Variants in TMEM132C observed in about 807,000 individuals in gnomAD.
TMEM132C encodes the protein protein phosphatase 1, regulatory subunit 152.
TMEM132C carries 29 observed loss-of-function variants against 61.4 expected under a neutral mutation model. That is an observed-to-expected ratio of 0.47 (90% CI 0.35 to 0.64). TMEM132C has a LOEUF of 0.64. Ranked by LOEUF, TMEM132C falls within the 30% of genes least tolerant of loss-of-function variation. The pLI is 0.00. For synonymous variants in TMEM132C, 656 were observed against 633.1 expected (o/e 1.04, Z -0.54); for missense variants, 1,408 against 1,476.9 (o/e 0.95, Z 0.76).
chr12:128,416,595 G>A (rs2136023279), intron 2 of TMEM132C, among the ~76,000 whole-genome samples: 1 of 152,232 alleles, frequency 6.6e-6, no homozygotes, highest in Admixed American at 6.5e-5. Context: ...TAGAATGATA[G>A]CCTATCATAG....
intron 3 of TMEM132C, among the ~76,000 whole-genome samples, chr12:128,588,611 A>G (rs2135564670): frequency 6.6e-6 from 1 of 152,212 alleles, no homozygotes; most frequent in Middle Eastern, 3.4e-3. Context: ...CACAAAATTC[A>G]TATATTAAAA....
At chr12:128,544,745 G>A (rs11059761) in intron 3 of TMEM132C, among the ~76,000 whole-genome samples, 85,784 of 152,048 alleles carry the variant, frequency 0.56, 24,779 homozygotes, top group Middle Eastern at 0.65. Flanking sequence ...TAAGGCTAAT[G>A]TATGCTAAAT....
chr12:128,653,552 G>GGGCTCCATCCCT (rs1413327832), intron 4 of TMEM132C, among the ~76,000 whole-genome samples: 1 of 152,154 alleles, frequency 6.6e-6, no homozygotes, highest in Admixed American at 6.5e-5. Flanking sequence ...CCATCGGCCT[G>GGGCTCCATCCCT]GGCTCCATCC....
chr12:128,648,151 T>C (rs1407634078), intron 4 of TMEM132C, among the ~76,000 whole-genome samples: 2 of 151,770 alleles, frequency 1.3e-5, no homozygotes, highest in African/African-American at 4.9e-5. Flanking sequence ...TGAGTGTGTT[T>C]ACCAGATGCC....
intron 4 of TMEM132C, among the ~76,000 whole-genome samples, chr12:128,624,717 A>C (rs1298463938): frequency 1.3e-5 from 2 of 152,192 alleles, no homozygotes; most frequent in Non-Finnish European, 2.9e-5. Flanking sequence ...ATTTATTAAT[A>C]AGAATAAAAG....
At chr12:128,544,209 G>A in intron 3 of TMEM132C, 106 bp downstream of exon 3, 2 of 1,391,546 alleles carry the variant, frequency 1.4e-6, no homozygotes, top group Non-Finnish European at 1.9e-6. Context: ...CTGCTCAGAG[G>A]AGCTATTGAA....
intron 2 of TMEM132C, among the ~76,000 whole-genome samples, chr12:128,476,302 A>G (rs1365783756): frequency 6.6e-6 from 1 of 152,254 alleles, no homozygotes; most frequent in African/African-American, 2.4e-5. Context: ...ACCTGAGGAG[A>G]CGGTTGCAGC....
At chr12:128,295,495 G>GA (rs1380691223) in intron 1 of TMEM132C, among the ~76,000 whole-genome samples, 2 of 151,778 alleles carry the variant, frequency 1.3e-5, no homozygotes, top group Non-Finnish European at 2.9e-5. Flanking sequence ...AATAAATAAT[G>GA]ACCGCCTTGA....
intron 1 of TMEM132C, among the ~76,000 whole-genome samples, chr12:128,297,609 GA>G (rs1391945475): frequency 6.6e-6 from 1 of 152,124 alleles, no homozygotes; most frequent in Non-Finnish European, 1.5e-5. Flanking sequence ...CTTGAACTGA[GA>G]AGGTCTGACT....
intron 2 of TMEM132C, among the ~76,000 whole-genome samples, chr12:128,447,705 CTTTTTT>C (rs767506039): frequency 5.1e-5 from 3 of 58,616 alleles, no homozygotes; most frequent in African/African-American, 8.4e-5. Context: ...ATTTCAAGTG[CTTTTTT>C]TTTTTTTTTT....
chr12:128,485,877 C>T (rs548416339), intron 2 of TMEM132C, among the ~76,000 whole-genome samples: 17 of 152,318 alleles, frequency 1.1e-4, no homozygotes, highest in South Asian at 6.2e-4. Flanking sequence ...CCTTCTTCCT[C>T]CTCCTCCTCT....
At chr12:128,470,280 C>A (rs1870904086) in intron 2 of TMEM132C, among the ~76,000 whole-genome samples, 1 of 152,148 alleles carries the variant, frequency 6.6e-6, no homozygotes, top group Non-Finnish European at 1.5e-5. Flanking sequence ...TGGACGATTT[C>A]CAACCAGTGA....
chr12:128,587,949 A>G (rs1196107055), intron 3 of TMEM132C, among the ~76,000 whole-genome samples: 1 of 152,236 alleles, frequency 6.6e-6, no homozygotes, highest in Non-Finnish European at 1.5e-5. Flanking sequence ...GCTTAAGGAT[A>G]ATAGTAATAA....
In TMEM132C at chr12:128,705,182, C is replaced by T; in HGVS notation, c.2214C>T (p.Thr738=). Residue 738 remains threonine, a synonymous_variant, in exon 9 of 9, where the codon ACC becomes ACT. Transcript: ENST00000435159. ...YDTKDFSLAA[T]SQDEAVVSVP... Reference sequence around the variant, plus strand: ...CCAAGGACTTCTCCCTGGCAGCCACCTCCCAGGACGAGGCTGTCGTGTCAG... The same window carrying T: ...CCAAGGACTTCTCCCTGGCAGCCACTTCCCAGGACGAGGCTGTCGTGTCAG... The T allele has an allele frequency of 6.4e-7, 1 of 1,551,742 alleles. No homozygotes were observed. The highest frequency in any genetic ancestry group is 8.7e-7 in the Non-Finnish European group (1 of 1,147,004).
intron 5 of TMEM132C, among the ~76,000 whole-genome samples, chr12:128,671,531 C>A (rs1403127827): frequency 3.9e-5 from 6 of 152,146 alleles, no homozygotes; most frequent in South Asian, 4.1e-4. Context: ...TGACAGATAG[C>A]AACCAGCCTT....
intron 3 of TMEM132C, among the ~76,000 whole-genome samples, chr12:128,573,290 A>C (rs532760424): frequency 1.3e-5 from 2 of 152,214 alleles, no homozygotes; most frequent in Non-Finnish European, 2.9e-5. Context: ...TGATGAGTTC[A>C]TGTCCTTTGT....
chr12:128,313,189 A>G (rs1053647838), intron 1 of TMEM132C, among the ~76,000 whole-genome samples: 3 of 152,228 alleles, frequency 2.0e-5, no homozygotes, highest in Non-Finnish European at 2.9e-5. Flanking sequence ...TTATGAAGCC[A>G]AATCTCCAGG....
intron 2 of TMEM132C, among the ~76,000 whole-genome samples, chr12:128,490,567 A>C (rs1871681830): frequency 6.6e-6 from 1 of 152,232 alleles, no homozygotes; most frequent in Non-Finnish European, 1.5e-5. Flanking sequence ...GCCACATTGA[A>C]TGATATATTT....
rs369595596 is a variant in TMEM132C at position 128,426,765 on chromosome 12, G to A, written c.974+11145G>A. On this transcript the variant is annotated intron_variant, in intron 2 of 8. Transcript: ENST00000435159. ...AGCCCAGCTCCCGTGAAACATTGGA[G>A]AGTGATTTTACTGTTGTGGGAAACA... 5.3e-5 allele frequency among the ~76,000 whole-genome samples: 8 copies of A among 152,300 alleles called. No homozygotes were observed. In the East Asian group the frequency reaches 9.6e-4, roughly 18 times the overall value.
Sources: gnomAD v4.1 joint callset for allele counts (sites outside exome capture counted in the v4.1 genomes callset) on GRCh38, gnomAD v4.1.1 for gene constraint, MANE v1.5 for transcripts, NCBI Gene and HGNC (gene_info 2026-07-23, HGNC 2026-07-21) for gene names.